The following KLHL29 variants were observed in gnomAD, a reference collection of about 807,000 sequenced individuals.
KLHL29 encodes the protein kelch-like protein 29.
KLHL29 carries 21 observed loss-of-function variants against 80.4 expected under a neutral mutation model. That is an observed-to-expected ratio of 0.26 (90% CI 0.19 to 0.38). KLHL29 has a LOEUF of 0.38. KLHL29 is among the 10% of genes least tolerant of loss of function. The probability of loss-of-function intolerance (pLI) is 1.00; values close to 1 mark genes in which losing one functional copy is unlikely to be tolerated. For synonymous variants in KLHL29, 511 were observed against 526.8 expected (o/e 0.97, Z 0.41); for missense variants, 867 against 1,223.9 (o/e 0.71, Z 4.35).
intron 3 of KLHL29, among the ~76,000 whole-genome samples, chr2:23,631,369 C>T (rs373859563): frequency 5.9e-5 from 9 of 152,180 alleles, no homozygotes; most frequent in Non-Finnish European, 1.3e-4. Flanking sequence ...TAAGTTGCCC[C>T]GAAAGCAGTA....
At chr2:23,644,212 T>C (rs1342043306) in intron 5 of KLHL29, 1 of 152,070 alleles carries the variant, frequency 6.6e-6, no homozygotes. Context: ...AGATCTTTTT[T>C]AAAAAAATGA....
chr2:23,699,320 G>T (rs1243935421), intron 11 of KLHL29, among the ~76,000 whole-genome samples: 4 of 152,188 alleles, frequency 2.6e-5, no homozygotes, highest in African/African-American at 7.2e-5. Context: ...GGCACAGCAT[G>T]CCATGCCCAG....
intron 1 of KLHL29, among the ~76,000 whole-genome samples, chr2:23,436,703 G>A (rs1012011777): frequency 6.6e-6 from 1 of 152,262 alleles, no homozygotes; most frequent in Non-Finnish European, 1.5e-5. Flanking sequence ...CATTGGAGAT[G>A]CAGCCTGGCT....
At chr2:23,499,086 C>G (rs1558360897) in intron 2 of KLHL29, among the ~76,000 whole-genome samples, 1 of 152,212 alleles carries the variant, frequency 6.6e-6, no homozygotes. Flanking sequence ...CCTTTTCTCT[C>G]TTGCTGCATG....
intron 1 of KLHL29, among the ~76,000 whole-genome samples, chr2:23,469,397 C>T (rs1664435792): frequency 6.6e-6 from 1 of 152,170 alleles, no homozygotes; most frequent in Non-Finnish European, 1.5e-5. Context: ...ACCTGCCCTG[C>T]CTCATGGGGT....
At chr2:23,436,123 C>G (rs1235893773) in intron 1 of KLHL29, among the ~76,000 whole-genome samples, 1 of 151,838 alleles carries the variant, frequency 6.6e-6, no homozygotes, top group Non-Finnish European at 1.5e-5. Context: ...TTGTTGCTTC[C>G]CCTTCTATAG....
intron 3 of KLHL29, among the ~76,000 whole-genome samples, chr2:23,620,471 C>T (rs1444189144): frequency 2.0e-5 from 3 of 152,120 alleles, no homozygotes; most frequent in African/African-American, 4.8e-5. Context: ...AGGAGGGCAT[C>T]GGCAAGGCTG....
At chr2:23,633,756 CGTGTGTGTGTG>C (rs1436292838) in intron 3 of KLHL29, among the ~76,000 whole-genome samples, 22 of 147,128 alleles carry the variant, frequency 1.5e-4, no homozygotes, top group East Asian at 2.0e-4. Flanking sequence ...TCACAGCACT[CGTGTGTGTGTG>C]TGTGTGTGTG....
rs2149221317 is a variant in KLHL29, at chr2:23,700,635, C to T, written c.2106-2551C>T. Reference sequence around the variant, plus strand: ...AAACATTCATCAGCATTCCATTGACCCCTCTCAGCTCCGGATTCTTTTCTA... The same window carrying T: ...AAACATTCATCAGCATTCCATTGACTCCTCTCAGCTCCGGATTCTTTTCTA... On this transcript the variant is annotated intron_variant, in intron 11 of 13. Coordinates refer to ENST00000486442, the MANE Select transcript of KLHL29 (RefSeq NM_052920.2). The surrounding 1 kb of genome is among the most constrained non-coding windows in gnomAD (Gnocchi z 4.6). Among the ~76,000 whole-genome samples, 1 of 152,350 alleles carries T rather than the reference C, an allele frequency of 6.6e-6. No individual in the cohort carries two copies. Among genetic ancestry groups the T allele is most frequent in the Non-Finnish European group, 1.5e-5 (1 of 68,034 alleles).
intron 2 of KLHL29, among the ~76,000 whole-genome samples, chr2:23,538,758 G>A (rs997493393): frequency 4.6e-5 from 7 of 152,184 alleles, no homozygotes; most frequent in Non-Finnish European, 8.8e-5. Context: ...GCCTTTGCTT[G>A]TTCCACCAGT....
chr2:23,641,332 AG>A, intron 4 of KLHL29, among the ~76,000 whole-genome samples: 1 of 152,268 alleles, frequency 6.6e-6, no homozygotes, highest in South Asian at 2.1e-4. Flanking sequence ...GGCCGTGCCC[AG>A]GTTGCTTAGC....
At chr2:23,685,836 G>C (rs76386982) in intron 6 of KLHL29, among the ~76,000 whole-genome samples, 360 of 152,346 alleles carry the variant, frequency 2.4e-3, no homozygotes, top group Middle Eastern at 0.01. Flanking sequence ...CTGGACAGCA[G>C]GGGCCCGCAT....
At chr2:23,513,422 C>T (rs997233054) in intron 2 of KLHL29, among the ~76,000 whole-genome samples, 1 of 152,206 alleles carries the variant, frequency 6.6e-6, no homozygotes, top group African/African-American at 2.4e-5. Flanking sequence ...ATCCTCCTTG[C>T]CTTCTGAGCC....
rs1296566155 is a variant in KLHL29, at chr2:23,639,128, G to C, written c.286-11G>C. On this transcript the variant is annotated splice_polypyrimidine_tract_variant and intron_variant, in intron 3 of 13. Coordinates refer to ENST00000486442, the MANE Select transcript of KLHL29 (RefSeq NM_052920.2). ...CCAGGCTATGCTCACCTCCTCATCT[G>C]CTTCCCACAGGCTCCCGGCATCTCC... The C allele has an allele frequency of 3.3e-6, 5 of 1,525,962 alleles. No individual in the cohort carries two copies. In the South Asian group the frequency reaches 6.3e-5, roughly 19 times the overall value. 94.5% of individuals were successfully genotyped at this position (1,525,962 alleles called of 1,614,324 possible). A position where few individuals can be genotyped will look rare whatever the true frequency, so the allele number is the denominator to read the frequency against.
At chr2:23,393,740 C>T (rs960096208) in intron 1 of KLHL29, among the ~76,000 whole-genome samples, 21 of 152,282 alleles carry the variant, frequency 1.4e-4, no homozygotes, top group Admixed American at 3.3e-4. Context: ...TACATTCAGC[C>T]AAGGAGGGAC....
At chr2:23,529,455 A>G (rs1416575055) in intron 2 of KLHL29, among the ~76,000 whole-genome samples, 2 of 152,126 alleles carry the variant, frequency 1.3e-5, no homozygotes, top group African/African-American at 4.8e-5. Context: ...TCACTCCACC[A>G]CTATGCATGC....
At chr2:23,468,307 C>G (rs1664405295) in intron 1 of KLHL29, among the ~76,000 whole-genome samples, 2 of 152,164 alleles carry the variant, frequency 1.3e-5, no homozygotes, top group Admixed American at 1.3e-4. Context: ...GAACTGGTGT[C>G]TCCGAGACTA....
intron 1 of KLHL29, among the ~76,000 whole-genome samples, chr2:23,452,446 G>A (rs577026515): frequency 3.9e-5 from 6 of 152,100 alleles, no homozygotes; most frequent in Admixed American, 3.9e-4. Flanking sequence ...TCCAACATTG[G>A]GGATCTCATT....
At position 23,647,108 on chromosome 2, in the gene KLHL29, A is replaced by T. The variant is rs1669960196; in HGVS notation, c.940+4258A>T. On this transcript the variant is annotated intron_variant, in intron 5 of 13. Transcript: ENST00000486442. The surrounding 1 kb of genome is among the most constrained non-coding windows in gnomAD (Gnocchi z 4.9). ...AGGGCTGGCAATCCCTGGTCAAGCC[A>T]TTTAACTTAGGGATGGGGACCCCTT... 6.6e-6 allele frequency among the ~76,000 whole-genome samples: 1 copy of T among 152,174 alleles called. No homozygotes were observed. The highest frequency in any genetic ancestry group is 2.4e-5 in the African/African-American group (1 of 41,442).
Sources: gnomAD v4.1 joint callset for allele counts (sites outside exome capture counted in the v4.1 genomes callset) on GRCh38, gnomAD v4.1.1 for gene constraint, Gnocchi (gnomAD v3.1) non-coding constraint, MANE v1.5 for transcripts, NCBI Gene and HGNC (gene_info 2026-07-23, HGNC 2026-07-21) for gene names.